The following TENM2 variants were observed in gnomAD, a reference collection of about 807,000 sequenced individuals.
TENM2 encodes the protein teneurin-2.
In TENM2, 52 loss-of-function variants were observed where a neutral mutation model predicts 245.2. That is an observed-to-expected ratio of 0.21 (90% CI 0.17 to 0.27). The LOEUF is 0.27. Ranked by LOEUF, TENM2 falls within the 10% of genes least tolerant of loss-of-function variation. The pLI is 1.00. For synonymous variants in TENM2, 1,363 were observed against 1,438.9 expected (o/e 0.95, Z 1.19); for missense variants, 3,046 against 3,666.8 (o/e 0.83, Z 4.37).
the TENM2 span, among the ~76,000 whole-genome samples, chr5:167,178,641 C>T: frequency 2.0e-5 from 3 of 151,794 alleles, no homozygotes; most frequent in Non-Finnish European, 2.9e-5. Context: ...CGAGATCTGG[C>T]GATATGACTT....
At chr5:167,894,089 C>T (rs922309306) in intron 3 of TENM2, among the ~76,000 whole-genome samples, 10 of 152,094 alleles carry the variant, frequency 6.6e-5, no homozygotes, top group African/African-American at 1.9e-4. Flanking sequence ...GTTTAATAGA[C>T]GATCAATTCC....
chr5:167,155,491 T>G, the TENM2 span, among the ~76,000 whole-genome samples: 2 of 152,294 alleles, frequency 1.3e-5, no homozygotes, highest in African/African-American at 4.8e-5. Context: ...CTGAACCCTT[T>G]TTAGCAGGGA....
At chr5:167,853,308 AAAAAG>A (rs1770774541) in intron 2 of TENM2, among the ~76,000 whole-genome samples, 1 of 139,760 alleles carries the variant, frequency 7.2e-6, no homozygotes, top group East Asian at 2.0e-4. Context: ...AAAAAAAAAA[AAAAAG>A]AAAGTGATCG....
At chr5:167,454,724 C>T (rs1440869459) in intron 2 of TENM2, among the ~76,000 whole-genome samples, 1 of 152,156 alleles carries the variant, frequency 6.6e-6, no homozygotes, top group Non-Finnish European at 1.5e-5. Context: ...TTCTCAGGAG[C>T]TTTGGCTAAC....
intron 3 of TENM2, among the ~76,000 whole-genome samples, chr5:167,879,021 A>G (rs1468609150): frequency 6.6e-6 from 1 of 152,152 alleles, no homozygotes; most frequent in African/African-American, 2.4e-5. Flanking sequence ...AGTTGCTGTT[A>G]TTATTTGATG....
intron 2 of TENM2, among the ~76,000 whole-genome samples, chr5:167,459,389 A>C (rs1766140114): frequency 6.6e-6 from 1 of 152,182 alleles, no homozygotes; most frequent in Non-Finnish European, 1.5e-5. Flanking sequence ...TTCTTGATTC[A>C]TCTGTTACTG....
chr5:167,101,869 A>ATATATATATATATATATATATATG, the TENM2 span, among the ~76,000 whole-genome samples: 344 of 125,694 alleles, frequency 2.7e-3, 3 homozygotes, highest in Non-Finnish European at 4.4e-3. Context: ...ATATATATAT[A>ATATATATATATATATATATATATG]TATATATGCA....
At chr5:167,164,145 A>T in the TENM2 span, among the ~76,000 whole-genome samples, 2 of 152,182 alleles carry the variant, frequency 1.3e-5, no homozygotes, top group African/African-American at 4.8e-5. Context: ...CTCAGTTTTC[A>T]ATGAGACAGA....
At chr5:167,405,799 C>CACACACACAT (rs1328597390) in intron 2 of TENM2, among the ~76,000 whole-genome samples, 6 of 151,558 alleles carry the variant, frequency 4.0e-5, no homozygotes, top group Admixed American at 2.0e-4. Flanking sequence ...CACACACACA[C>CACACACACAT]GCACACAGAG....
At chr5:166,996,943 T>A in the TENM2 span, among the ~76,000 whole-genome samples, 1 of 152,232 alleles carries the variant, frequency 6.6e-6, no homozygotes, top group Non-Finnish European at 1.5e-5. Context: ...CACACAGCAG[T>A]TATTCCTCAC....
chr5:167,058,019 C>T, the TENM2 span, among the ~76,000 whole-genome samples: 2 of 152,118 alleles, frequency 1.3e-5, no homozygotes, highest in East Asian at 3.9e-4. Context: ...CTGCTTGTGG[C>T]TTTCTGCTCC....
intron 2 of TENM2, among the ~76,000 whole-genome samples, chr5:167,761,025 C>T (rs762089649): frequency 1.3e-4 from 20 of 152,070 alleles, no homozygotes; most frequent in East Asian, 1.9e-4. Flanking sequence ...GTCTCTGTGG[C>T]GGAAATGTCC....
intron 2 of TENM2, among the ~76,000 whole-genome samples, chr5:167,512,886 A>G (rs978046542): frequency 1.3e-5 from 2 of 152,124 alleles, no homozygotes; most frequent in African/African-American, 4.8e-5. Flanking sequence ...TCTTTCTTTG[A>G]AGCAGGGATG....
intron 2 of TENM2, among the ~76,000 whole-genome samples, chr5:167,839,624 A>G (rs1769304811): frequency 6.6e-6 from 1 of 152,062 alleles, no homozygotes; most frequent in Non-Finnish European, 1.5e-5. Flanking sequence ...AGTGAATGTA[A>G]TGCCCTGTCT....
At chr5:168,170,361 G>A (rs1399854256) in intron 13 of TENM2, among the ~76,000 whole-genome samples, 2 of 152,004 alleles carry the variant, frequency 1.3e-5, no homozygotes, top group African/African-American at 2.4e-5. Flanking sequence ...AAAATTAGCC[G>A]GGCATAGTGG....
chr5:167,363,894 AAAC>A (rs1228999775), intron 1 of TENM2, among the ~76,000 whole-genome samples: 7 of 152,128 alleles, frequency 4.6e-5, no homozygotes, highest in African/African-American at 7.2e-5. Flanking sequence ...TAGAAAAACT[AAAC>A]AACAATTGAA....
Position 167,492,016 on chromosome 5 carries a change from A to G in TENM2, c.502+116543A>G, listed in dbSNP as rs189886733. On this transcript the variant is annotated intron_variant, in intron 2 of 28. Coordinates refer to ENST00000518659, the Ensembl canonical transcript of TENM2. ...AGAGGAACGCTTTTTCAATTTTATAACTATTGCATTATTAGTATTTTAAAG... is the reference window on the plus strand; with the variant it reads ...AGAGGAACGCTTTTTCAATTTTATAGCTATTGCATTATTAGTATTTTAAAG... 3.3e-5 allele frequency among the ~76,000 whole-genome samples: 5 copies of G among 152,316 alleles called. No individual in the cohort carries two copies. In the East Asian group the frequency reaches 7.7e-4, roughly 24 times the overall value.
intron 2 of TENM2, among the ~76,000 whole-genome samples, chr5:167,496,293 G>T (rs1462034417): frequency 2.0e-5 from 3 of 152,104 alleles, no homozygotes; most frequent in Admixed American, 1.3e-4. Context: ...TTAGAAGATT[G>T]CCCTGTCTCT....
intron 2 of TENM2, among the ~76,000 whole-genome samples, chr5:167,431,940 CATATATAT>C (rs1764254836): frequency 1.5e-5 from 1 of 65,856 alleles, no homozygotes; most frequent in Non-Finnish European, 3.2e-5. Context: ...TATATATATA[CATATATAT>C]GTATATATAT....
Sources: gnomAD v4.1 joint callset for allele counts (sites outside exome capture counted in the v4.1 genomes callset) on GRCh38, gnomAD v4.1.1 for gene constraint, MANE v1.5 for transcripts, NCBI Gene and HGNC (gene_info 2026-07-23, HGNC 2026-07-21) for gene names.